PIK3C2A: variants seen among roughly 807,000 people sequenced by gnomAD.
PIK3C2A encodes phosphatidylinositol 4-phosphate 3-kinase C2 domain-containing subunit alpha.
In PIK3C2A, 97 loss-of-function variants were observed where a neutral mutation model predicts 204.5. That is an observed-to-expected ratio of 0.47 (90% confidence interval 0.40 to 0.56). The LOEUF is 0.56. PIK3C2A is among the 20% of genes least tolerant of loss of function. The pLI, the probability that PIK3C2A is intolerant of heterozygous loss-of-function variation, is 0.00. For missense variants in PIK3C2A, 1,735 were observed against 1,969.2 expected (o/e 0.88, Z 2.25); for synonymous variants, 653 against 664.4 (o/e 0.98, Z 0.26).
At chr11:17,091,695 T>G in intron 30 of PIK3C2A, 39 bp from the exon 31 acceptor site, 1 of 1,319,168 alleles carries the variant, frequency 7.6e-7, no homozygotes, top group Non-Finnish European at 1.1e-6. Flanking sequence ...TTACTGGTTG[T>G]AGTGGTTCAA....
intron 8 of PIK3C2A, chr11:17,138,323 TC>T (rs1289942647): frequency 3.5e-5 from 15 of 425,976 alleles, no homozygotes; most frequent in Non-Finnish European, 5.8e-5. Context: ...ACAGCCAGCT[TC>T]CTTTTTTTTT....
intron 1 of PIK3C2A, among the ~76,000 whole-genome samples, chr11:17,199,632 T>C (rs1446244716): frequency 6.6e-6 from 1 of 152,138 alleles, no homozygotes; most frequent in East Asian, 1.9e-4. Flanking sequence ...AGATCTAGAA[T>C]AGGTAAATTC....
intron 13 of PIK3C2A, among the ~76,000 whole-genome samples, chr11:17,126,848 AT>A (rs1849542598): frequency 6.6e-6 from 1 of 152,342 alleles, no homozygotes; most frequent in African/African-American, 2.4e-5. Context: ...ATGAAAGAAT[AT>A]TATATCATTT....
At chr11:17,105,875 G>A (rs1181879841) in intron 22 of PIK3C2A, among the ~76,000 whole-genome samples, 4 of 152,172 alleles carry the variant, frequency 2.6e-5, no homozygotes, top group South Asian at 2.1e-4. Flanking sequence ...CTGGGAGGCC[G>A]AGGTGGGTGG....
chr11:17,177,473 A>G (rs1287599695), intron 1 of PIK3C2A, among the ~76,000 whole-genome samples: 1 of 152,236 alleles, frequency 6.6e-6, no homozygotes, highest in African/African-American at 2.4e-5. Flanking sequence ...TGACTCATTA[A>G]TAATTCAAAC....
intron 1 of PIK3C2A, among the ~76,000 whole-genome samples, chr11:17,189,760 C>G (rs1438775634): frequency 7.5e-6 from 1 of 133,916 alleles, no homozygotes; most frequent in Non-Finnish European, 1.5e-5. Context: ...AAAAAGTGAG[C>G]TGAAATTGAG....
intron 8 of PIK3C2A, among the ~76,000 whole-genome samples, chr11:17,143,847 GA>G (rs1413643544): frequency 1.3e-5 from 2 of 152,030 alleles, no homozygotes; most frequent in African/African-American, 4.8e-5. Context: ...TGAGGTGGGA[GA>G]ATCACCTGAA....
At chr11:17,142,083 A>C (rs2137412309) in intron 8 of PIK3C2A, among the ~76,000 whole-genome samples, 1 of 152,320 alleles carries the variant, frequency 6.6e-6, no homozygotes, top group Middle Eastern at 3.4e-3. Flanking sequence ...GCTCTCAAAA[A>C]ATAAACTCTT....
At chr11:17,197,229 A>G (rs1451380080) in intron 1 of PIK3C2A, among the ~76,000 whole-genome samples, 2 of 151,966 alleles carry the variant, frequency 1.3e-5, no homozygotes, top group African/African-American at 4.8e-5. Context: ...CATGTTGCCC[A>G]TGCTGGTCTT....
chr11:17,145,244 T>C (rs1290040832), intron 8 of PIK3C2A, among the ~76,000 whole-genome samples: 5 of 152,136 alleles, frequency 3.3e-5, no homozygotes, highest in African/African-American at 1.2e-4. Context: ...AGGGGCACAA[T>C]GATGTGGTTT....
chr11:17,178,114 A>AAAAAAAAAAAG (rs1565294473), intron 1 of PIK3C2A, among the ~76,000 whole-genome samples: 6 of 73,240 alleles, frequency 8.2e-5, no homozygotes, highest in Admixed American at 1.7e-4. Context: ...AAAAAAAAAG[A>AAAAAAAAAAAG]AAAAAAAAAT....
At chr11:17,200,132 G>C (rs1023701398) in intron 1 of PIK3C2A, among the ~76,000 whole-genome samples, 4 of 151,922 alleles carry the variant, frequency 2.6e-5, no homozygotes, top group Non-Finnish European at 5.9e-5. Context: ...GTTGCAGTGA[G>C]CTGAGATCGC....
chr11:17,179,894 A>T (rs1470665736), intron 1 of PIK3C2A, among the ~76,000 whole-genome samples: 1 of 152,170 alleles, frequency 6.6e-6, no homozygotes, highest in East Asian at 1.9e-4. Flanking sequence ...TACAGTGTGA[A>T]CCATTGTCCT....
intron 8 of PIK3C2A, among the ~76,000 whole-genome samples, chr11:17,144,948 A>G (rs980702046): frequency 2.8e-5 from 4 of 144,308 alleles, no homozygotes; most frequent in Non-Finnish European, 4.5e-5. Flanking sequence ...TGACTGCCCT[A>G]TTGGATTTTG....
chr11:17,093,484 T>TC (rs1848368186), intron 28 of PIK3C2A, among the ~76,000 whole-genome samples: 1 of 152,162 alleles, frequency 6.6e-6, no homozygotes, highest in African/African-American at 2.4e-5. Flanking sequence ...CAGGATGGTC[T>TC]CCATCTCCTG....
chr11:17,112,768 TG>T, intron 20 of PIK3C2A, 102 bp from the exon 21 acceptor site: 1 of 515,542 alleles, frequency 1.9e-6, no homozygotes, highest in South Asian at 4.2e-5. Flanking sequence ...CTTTGTGTCT[TG>T]TTTTTAGATT....
chr11:17,159,635 G>T (rs1850712257), intron 2 of PIK3C2A, among the ~76,000 whole-genome samples: 1 of 152,130 alleles, frequency 6.6e-6, no homozygotes, highest in African/African-American at 2.4e-5. Context: ...GTAGTCTTTG[G>T]GTCAAGCTCC....
chr11:17,096,365 C>T (rs1260418521), intron 27 of PIK3C2A, among the ~76,000 whole-genome samples: 1 of 152,144 alleles, frequency 6.6e-6, no homozygotes, highest in Non-Finnish European at 1.5e-5. Context: ...AGTTACAATA[C>T]TTTAAAGCAT....
chr11:17,119,887 G>A lies in PIK3C2A; in HGVS notation c.2745C>T (p.Ser915=), dbSNP rs369335895. The A allele has an allele frequency of 1.8e-5, 29 of 1,610,734 alleles. No individual in the cohort carries two copies. Among genetic ancestry groups the A allele is most frequent in the Non-Finnish European group, 2.2e-5 (26 of 1,177,960 alleles). The part of the protein sequence containing the change: ...HPNCLPKILA[S]APNWKWVNLA... Reference sequence around the variant, plus strand: ...GATTAACCCATTTCCAGTTTGGGGCGCTTGCTAATATTTTAGGAAGACAAT... The same window carrying A: ...GATTAACCCATTTCCAGTTTGGGGCACTTGCTAATATTTTAGGAAGACAAT... Residue 915 remains serine, a synonymous_variant, in exon 16 of 33, where the codon AGC becomes AGT. Coordinates refer to ENST00000691414, the MANE Select transcript of PIK3C2A (RefSeq NM_002645.4).
Sources: allele counts gnomAD v4.1 joint callset (sites outside exome capture counted in the v4.1 genomes callset), GRCh38; gene constraint gnomAD v4.1.1; transcripts MANE v1.5; gene names NCBI Gene and HGNC (gene_info 2026-07-23, HGNC 2026-07-21).